TBC1D12: variants seen among roughly 807,000 people sequenced by gnomAD.
TBC1D12 encodes the protein TBC1 domain family, member 12.
In TBC1D12, 56 loss-of-function variants were observed where a neutral mutation model predicts 86.7. The observed-to-expected ratio is 0.65, with a 90% confidence interval of 0.52 to 0.81. The LOEUF is 0.81. TBC1D12 is among the 30% of genes least tolerant of loss of function. The pLI is 0.00. For missense variants in TBC1D12, 1,023 were observed against 1,038.8 expected, an observed-to-expected ratio of 0.98 and a Z score of 0.21; for synonymous variants, 421 against 411.7, an observed-to-expected ratio of 1.02 and a Z score of -0.27.
chr10:94,426,191 A>T (rs2134068688), intron 1 of TBC1D12, among the ~76,000 whole-genome samples: 2 of 152,218 alleles, frequency 1.3e-5, no homozygotes, highest in South Asian at 4.1e-4. Flanking sequence ...TTTCAGTATG[A>T]TTTTGAAAGG....
intron 2 of TBC1D12, among the ~76,000 whole-genome samples, chr10:94,474,450 C>T (rs1487731312): frequency 6.6e-6 from 1 of 151,950 alleles, no homozygotes; most frequent in Non-Finnish European, 1.5e-5. Flanking sequence ...ACCTCGGCCT[C>T]CCAAGTGCTG....
At chr10:94,435,905 C>T (rs892123180) in intron 1 of TBC1D12, among the ~76,000 whole-genome samples, 8 of 152,108 alleles carry the variant, frequency 5.3e-5, no homozygotes, top group East Asian at 1.9e-4. Flanking sequence ...CCGGAGGTCC[C>T]GATACTATTT....
At chr10:94,499,024 G>A (rs2056360496) in intron 5 of TBC1D12, among the ~76,000 whole-genome samples, 1 of 152,090 alleles carries the variant, frequency 6.6e-6, no homozygotes, top group Non-Finnish European at 1.5e-5. Context: ...GCCTGCCTTG[G>A]CCTCTCAAAG....
At chr10:94,487,779 C>T (rs895353889) in intron 3 of TBC1D12, among the ~76,000 whole-genome samples, 3 of 149,814 alleles carry the variant, frequency 2.0e-5, no homozygotes, top group African/African-American at 7.4e-5. Context: ...TGACTGTGGC[C>T]TCTATCTCCT....
At chr10:94,470,183 G>A (rs2055883555) in intron 2 of TBC1D12, among the ~76,000 whole-genome samples, 1 of 152,158 alleles carries the variant, frequency 6.6e-6, no homozygotes, top group South Asian at 2.1e-4. Context: ...TGTTTATGCT[G>A]TGAACCTCTT....
At chr10:94,403,650 G>GGGAGTC (rs1554931130) in intron 1 of TBC1D12, 66 bp downstream of exon 1, 602 of 1,298,250 alleles carry the variant, frequency 4.6e-4, no homozygotes, top group Non-Finnish European at 5.4e-4. Context: ...GGGTCTTGGT[G>GGGAGTC]GGAGTCGGAG....
chr10:94,454,944 C>T (rs1210405203), intron 2 of TBC1D12, among the ~76,000 whole-genome samples: 2 of 152,150 alleles, frequency 1.3e-5, no homozygotes, highest in Non-Finnish European at 2.9e-5. Flanking sequence ...CGGGGATATC[C>T]TCGCCTTGTT....
At chr10:94,442,081 TC>T (rs2055391285) in intron 2 of TBC1D12, 62 bp downstream of exon 2, 46 of 1,305,032 alleles carry the variant, frequency 3.5e-5, no homozygotes, top group East Asian at 5.9e-5. Flanking sequence ...TTCTTCTTCT[TC>T]TTTTTTTTTT....
chr10:94,484,886 T>A (rs1370767751), intron 3 of TBC1D12, among the ~76,000 whole-genome samples: 2 of 152,202 alleles, frequency 1.3e-5, no homozygotes, highest in African/African-American at 4.8e-5. Context: ...GGATTACTTT[T>A]TTATTTTTTA....
intron 2 of TBC1D12, among the ~76,000 whole-genome samples, chr10:94,458,601 T>C (rs1024055081): frequency 1.3e-5 from 2 of 151,948 alleles, no homozygotes; most frequent in African/African-American, 4.8e-5. Flanking sequence ...ACGTGGTGAG[T>C]GTTACAGTTC....
At chr10:94,532,602 A>G (rs1250400098) in intron 12 of TBC1D12, among the ~76,000 whole-genome samples, 1 of 152,234 alleles carries the variant, frequency 6.6e-6, no homozygotes, top group East Asian at 1.9e-4. Flanking sequence ...TATATTAAAT[A>G]CCTACTGTGT....
chr10:94,523,212 A>AG (rs1842202578), intron 11 of TBC1D12, among the ~76,000 whole-genome samples: 1 of 149,714 alleles, frequency 6.7e-6, no homozygotes, highest in Non-Finnish European at 1.5e-5. Context: ...AAAAAAAAAA[A>AG]AAAAAGAGCA....
At chr10:94,452,543 C>A (rs1050387946) in intron 2 of TBC1D12, among the ~76,000 whole-genome samples, 3 of 152,132 alleles carry the variant, frequency 2.0e-5, no homozygotes, top group African/African-American at 7.2e-5. Context: ...CAGTACTTAG[C>A]TGTTTCAGGT....
chr10:94,489,844 C>T lies in TBC1D12; in HGVS notation c.1212-3521C>T, dbSNP rs2056222670. Among the ~76,000 whole-genome samples the T allele has an allele frequency of 2.6e-5, 4 of 152,168 alleles. No homozygotes were observed. In the South Asian group the frequency reaches 8.3e-4, roughly 31 times the overall value. ...TTGCCTTGGCACACAAATTTGCCAT[C>T]TTATATTAGCACTGTGTGTGGTGTC... is the stretch of plus-strand genomic sequence containing the variant. On this transcript the variant is annotated intron_variant, in intron 3 of 12. Transcript: ENST00000225235.
chr10:94,433,958 C>A (rs1419995836), intron 1 of TBC1D12, among the ~76,000 whole-genome samples: 3 of 151,686 alleles, frequency 2.0e-5, no homozygotes, highest in Non-Finnish European at 4.4e-5. Flanking sequence ...GTAAAAAAAA[C>A]AATAAAATTT....
chr10:94,510,282 C>G (rs1197230498), intron 8 of TBC1D12, 103 bp downstream of exon 8: 1 of 721,288 alleles, frequency 1.4e-6, no homozygotes, highest in Non-Finnish European at 2.2e-6. Flanking sequence ...AAAGGCAAAA[C>G]TATAGAAATT....
chr10:94,507,173 C>A, intron 6 of TBC1D12, 94 bp from the exon 7 acceptor site: 3 of 1,220,140 alleles, frequency 2.5e-6, no homozygotes, highest in East Asian at 2.5e-5. Context: ...ATCAGAGAGA[C>A]CTGACCTGTA....
intron 11 of TBC1D12, among the ~76,000 whole-genome samples, chr10:94,524,556 T>C (rs1842238935): frequency 6.6e-6 from 1 of 152,080 alleles, no homozygotes; most frequent in East Asian, 1.9e-4. Flanking sequence ...CTGGCCAACA[T>C]GGTGAAACCC....
chr10:94,434,829 C>G (rs549044469), intron 1 of TBC1D12, among the ~76,000 whole-genome samples: 3 of 152,236 alleles, frequency 2.0e-5, no homozygotes, highest in East Asian at 3.9e-4. Context: ...ACTGTTTGAG[C>G]CTGAGAGGTC....
Sources: allele counts gnomAD v4.1 joint callset (sites outside exome capture counted in the v4.1 genomes callset), GRCh38; gene constraint gnomAD v4.1.1; transcripts MANE v1.5; gene names NCBI Gene and HGNC (gene_info 2026-07-23, HGNC 2026-07-21).